The following GSG1L variants were observed in gnomAD, a reference collection of about 807,000 sequenced individuals.
GSG1L encodes GSG1 like, also known as germ cell-specific gene 1-like protein.
GSG1L carries 24 observed loss-of-function variants against 42.1 expected under a neutral mutation model. The ratio of observed to expected loss-of-function variants is 0.57; its 90% CI spans 0.41 to 0.80. GSG1L has a LOEUF of 0.80. Among genes scored for constraint, GSG1L ranks in the 30% least tolerant of loss-of-function variants. The probability of loss-of-function intolerance (pLI) is 0.00; values close to 1 mark genes in which losing one functional copy is unlikely to be tolerated. For missense variants in GSG1L, 445 were observed against 472.2 expected, an observed-to-expected ratio of 0.94 and a Z score of 0.53; for synonymous variants, 215 against 203.5, an observed-to-expected ratio of 1.06 and a Z score of -0.48.
At chr16:28,058,939 C>T (rs1055599594) in intron 1 of GSG1L, among the ~76,000 whole-genome samples, 6 of 152,168 alleles carry the variant, frequency 3.9e-5, no homozygotes, top group African/African-American at 1.4e-4. Flanking sequence ...GTGCTGTGCC[C>T]CACATCTAAC....
chr16:27,838,507 T>C (rs551500450), intron 4 of GSG1L, among the ~76,000 whole-genome samples: 89 of 152,068 alleles, frequency 5.9e-4, no homozygotes, highest in African/African-American at 2.0e-3. Context: ...TTGGACACCA[T>C]AGGGAGAAAA....
intron 3 of GSG1L, among the ~76,000 whole-genome samples, chr16:27,869,403 T>C (rs1422693944): frequency 6.6e-6 from 1 of 151,550 alleles, no homozygotes; most frequent in Non-Finnish European, 1.5e-5. Flanking sequence ...TGTGTCTCTC[T>C]TGTTCCTCCT....
intron 1 of GSG1L, among the ~76,000 whole-genome samples, chr16:28,025,911 AT>A (rs1838461379): frequency 1.3e-5 from 2 of 152,196 alleles, no homozygotes; most frequent in African/African-American, 4.8e-5. Flanking sequence ...AGGCTAGAGG[AT>A]AATGGGCTTG....
intron 5 of GSG1L, among the ~76,000 whole-genome samples, chr16:27,807,949 C>A (rs995308031): frequency 1.3e-5 from 2 of 152,204 alleles, no homozygotes; most frequent in African/African-American, 4.8e-5. Flanking sequence ...ATTATTTTGG[C>A]AGAATACACA....
intron 1 of GSG1L, among the ~76,000 whole-genome samples, chr16:28,056,456 C>CA (rs2086280153): frequency 2.6e-5 from 3 of 115,172 alleles, no homozygotes; most frequent in Non-Finnish European, 5.0e-5. Context: ...GAACATCACA[C>CA]CGGGGCCTGC....
At chr16:27,811,325 T>C (rs2083028550) in intron 5 of GSG1L, among the ~76,000 whole-genome samples, 2 of 152,242 alleles carry the variant, frequency 1.3e-5, no homozygotes, top group Admixed American at 6.5e-5. Context: ...CCCCCATTGG[T>C]AGACATTTAG....
intron 1 of GSG1L, among the ~76,000 whole-genome samples, chr16:28,026,366 G>T (rs2085901089): frequency 6.6e-6 from 1 of 152,224 alleles, no homozygotes. Flanking sequence ...CTTCACTGGA[G>T]TCTGATTCTG....
At chr16:27,907,693 C>T (rs935115580) in intron 2 of GSG1L, among the ~76,000 whole-genome samples, 1 of 152,226 alleles carries the variant, frequency 6.6e-6, no homozygotes, top group African/African-American at 2.4e-5. Context: ...GAGGCCAAGG[C>T]CAATTATATC....
intron 3 of GSG1L, among the ~76,000 whole-genome samples, chr16:27,853,516 G>C (rs2083539650): frequency 6.6e-6 from 1 of 152,168 alleles, no homozygotes; most frequent in Non-Finnish European, 1.5e-5. Context: ...ATCTTCTTGA[G>C]AGGAGCATTT....
At chr16:27,996,904 G>A (rs890302633) in intron 1 of GSG1L, among the ~76,000 whole-genome samples, 2 of 152,130 alleles carry the variant, frequency 1.3e-5, no homozygotes, top group East Asian at 1.9e-4. Context: ...GGAATTACAG[G>A]CATGTGCCAC....
intron 5 of GSG1L, among the ~76,000 whole-genome samples, chr16:27,822,814 C>T (rs557350411): frequency 6.6e-6 from 1 of 152,228 alleles, no homozygotes; most frequent in African/African-American, 2.4e-5. Context: ...TCCCTGCTCT[C>T]GTGGAGTGTG....
chr16:28,025,364 C>T (rs1161879548), intron 1 of GSG1L, among the ~76,000 whole-genome samples: 1 of 152,186 alleles, frequency 6.6e-6, no homozygotes. Flanking sequence ...CATGCCACCT[C>T]ATCTAAGGAA....
At chr16:27,841,496 G>A (rs1344244815) in intron 4 of GSG1L, among the ~76,000 whole-genome samples, 3 of 152,198 alleles carry the variant, frequency 2.0e-5, no homozygotes, top group Non-Finnish European at 4.4e-5. Context: ...ACAGAGGTGG[G>A]TGCCATCTCT....
chr16:28,016,812 C>T (rs2085786699), intron 1 of GSG1L, among the ~76,000 whole-genome samples: 1 of 152,178 alleles, frequency 6.6e-6, no homozygotes, highest in Admixed American at 6.5e-5. Context: ...GATTGACGCT[C>T]AGAGAGGTTA....
chr16:28,008,227 G>T (rs1197945076), intron 1 of GSG1L, among the ~76,000 whole-genome samples: 1 of 152,018 alleles, frequency 6.6e-6, no homozygotes, highest in Non-Finnish European at 1.5e-5. Context: ...CTACAGGTGT[G>T]CACCACCACA....
At chr16:27,843,885 A>T (rs1017356471) in intron 4 of GSG1L, among the ~76,000 whole-genome samples, 1 of 152,118 alleles carries the variant, frequency 6.6e-6, no homozygotes, top group African/African-American at 2.4e-5. Context: ...GAAGCTTGGG[A>T]CTCTAGTCAA....
At chr16:28,029,530 G>GGGATGGAT (rs60587266) in intron 1 of GSG1L, among the ~76,000 whole-genome samples, 5,293 of 149,442 alleles carry the variant, frequency 0.035, 111 homozygotes, top group African/African-American at 0.065. Flanking sequence ...GGTGCATGAA[G>GGGATGGAT]GGATGGATGG....
chr16:28,054,881 CTG>C (rs897806094), intron 1 of GSG1L, among the ~76,000 whole-genome samples: 8 of 152,056 alleles, frequency 5.3e-5, no homozygotes, highest in African/African-American at 1.9e-4. Context: ...CATATAAAAA[CTG>C]GGAGTTTTGA....
At chr16:27,998,669 C>T (rs1249634451) in intron 1 of GSG1L, among the ~76,000 whole-genome samples, 2 of 152,134 alleles carry the variant, frequency 1.3e-5, no homozygotes, top group African/African-American at 4.8e-5. Context: ...AACCTCTAGT[C>T]CCAGCTACCC....
Sources: allele counts gnomAD v4.1 joint callset (sites outside exome capture counted in the v4.1 genomes callset), GRCh38; gene constraint gnomAD v4.1.1; transcripts MANE v1.5; gene names NCBI Gene and HGNC (gene_info 2026-07-23, HGNC 2026-07-21).